Variants in ASIP observed in about 807,000 individuals in gnomAD.
ASIP encodes agouti signaling protein.
In ASIP, 11 loss-of-function variants were observed where a neutral mutation model predicts 10.3. That is an observed-to-expected ratio of 1.07 (90% CI 0.68 to 1.78). The LOEUF is 1.78. Among genes scored for constraint, ASIP ranks in the 40% most tolerant of loss-of-function variants. The pLI is 0.00. For synonymous variants in ASIP, 70 were observed against 70.8 expected, an observed-to-expected ratio of 0.99 and a Z score of 0.06; for missense variants, 180 against 169.2, an observed-to-expected ratio of 1.06 and a Z score of -0.35.
intron 1 of ASIP, among the ~76,000 whole-genome samples, chr20:34,254,060 G>C (rs1396003303): frequency 6.6e-6 from 1 of 151,374 alleles, no homozygotes; most frequent in Admixed American, 6.6e-5. Context: ...TTTTTGTTTT[G>C]TTTTGTTTCG....
At chr20:34,225,297 C>T (rs1232124687) in intron 1 of ASIP, among the ~76,000 whole-genome samples, 4 of 151,800 alleles carry the variant, frequency 2.6e-5, no homozygotes, top group Non-Finnish European at 1.5e-5. Flanking sequence ...CCTAGGCCTT[C>T]CAAAGTGCTG....
At chr20:34,248,065 G>C (rs1191437819) in intron 1 of ASIP, among the ~76,000 whole-genome samples, 2 of 152,110 alleles carry the variant, frequency 1.3e-5, no homozygotes, top group Admixed American at 1.3e-4. Context: ...AATTAGCCTG[G>C]CATGGTGATG....
chr20:34,202,584 G>A (rs931059460), intron 1 of ASIP, among the ~76,000 whole-genome samples: 9 of 151,834 alleles, frequency 5.9e-5, no homozygotes, highest in African/African-American at 1.7e-4. Context: ...ATCATGTACC[G>A]AAAACACTAT....
At chr20:34,223,186 C>T (rs1213999472) in intron 1 of ASIP, among the ~76,000 whole-genome samples, 24 of 151,570 alleles carry the variant, frequency 1.6e-4, no homozygotes, top group Non-Finnish European at 2.8e-4. Flanking sequence ...AAGTGAGGAG[C>T]GCCTCTTCCC....
chr20:34,231,825 T>C (rs2035123666), intron 1 of ASIP, among the ~76,000 whole-genome samples: 1 of 152,210 alleles, frequency 6.6e-6, no homozygotes, highest in Admixed American at 6.5e-5. Context: ...TTAGAATTTC[T>C]CAAATTAAAA....
intron 3 of ASIP, among the ~76,000 whole-genome samples, chr20:34,267,172 A>C (rs2122683061): frequency 6.6e-6 from 1 of 152,324 alleles, no homozygotes; most frequent in South Asian, 2.1e-4. Context: ...CCTTGGTCTC[A>C]TGGAGTTTAC....
intron 1 of ASIP, among the ~76,000 whole-genome samples, chr20:34,220,428 C>T (rs539034662): frequency 6.6e-6 from 1 of 152,234 alleles, no homozygotes; most frequent in South Asian, 2.1e-4. Flanking sequence ...GAAACCCTGT[C>T]TCTACAAAAA....
At chr20:34,204,964 G>C (rs1036181300) in intron 1 of ASIP, among the ~76,000 whole-genome samples, 4 of 152,148 alleles carry the variant, frequency 2.6e-5, no homozygotes, top group African/African-American at 9.7e-5. Flanking sequence ...TCATTTATTT[G>C]TGTTGGGAAC....
intron 1 of ASIP, among the ~76,000 whole-genome samples, chr20:34,198,838 C>A (rs541989675): frequency 6.6e-6 from 1 of 152,058 alleles, no homozygotes; most frequent in African/African-American, 2.4e-5. Context: ...GTGTTCATAT[C>A]GATGAATTTT....
At chr20:34,259,110 T>C (rs1278454164) in intron 1 of ASIP, among the ~76,000 whole-genome samples, 1 of 150,932 alleles carries the variant, frequency 6.6e-6, no homozygotes, top group Non-Finnish European at 1.5e-5. Context: ...CTCAGGAGGA[T>C]GAGGTGGGAG....
Position 34,241,454 on chromosome 20 carries a change from G to C in ASIP, c.-46G>C. The C allele has an allele frequency of 1.0e-6, 1 of 985,442 alleles. No homozygotes were observed. Among genetic ancestry groups the C allele is most frequent in the African/African-American group, 1.7e-5 (1 of 57,352 alleles). 61.0% of individuals were successfully genotyped at this position (985,442 alleles called of 1,614,324 possible). A position where few individuals can be genotyped will look rare whatever the true frequency, so the allele number is the denominator to read the frequency against. ...TCTCTACAGCTGCAAGGTGAAAAAGGAAGTTCCTTGGCCTGGGCTCTTTGC... is the reference window on the plus strand; with the variant it reads ...TCTCTACAGCTGCAAGGTGAAAAAGCAAGTTCCTTGGCCTGGGCTCTTTGC... On this transcript the variant is annotated 5_prime_UTR_variant, in exon 1 of 4. Coordinates refer to ENST00000374954, the MANE Select transcript of ASIP (RefSeq NM_001672.3).
chr20:34,260,410 G>C lies in ASIP; in HGVS notation c.36G>C (p.Leu12=), dbSNP rs777202501. 1.9e-6 allele frequency: 3 copies of C among 1,614,050 alleles called. No homozygotes were observed. The South Asian group carries it at 3.3e-5, about 18-fold the overall frequency. ...CCCGCTTACTCCTGGCCACCCTGCT[G>C]GTCTTCCTCTGCTTCTTCACTGCCA... is the stretch of plus-strand genomic sequence containing the variant. ...DVTRLLLATL[L]VFLCFFTANS... The change falls in exon 2 of 4, where the codon CTG becomes CTC. Residue 12 remains leucine, a synonymous_variant. Transcript: ENST00000374954.
At chr20:34,238,059 C>T (rs2035233963), upstream of ASIP, among the ~76,000 whole-genome samples, 1 of 152,156 alleles carries the variant, frequency 6.6e-6, no homozygotes, top group Non-Finnish European at 1.5e-5. Flanking sequence ...ATCTCTCTTG[C>T]TGCTTCCAAG....
chr20:34,205,715 T>C (rs1263662250), intron 1 of ASIP, among the ~76,000 whole-genome samples: 1 of 150,030 alleles, frequency 6.7e-6, no homozygotes, highest in Non-Finnish European at 1.5e-5. Flanking sequence ...AGAGTGCTGA[T>C]TGGTGCTTTT....
At chr20:34,260,623 C>A in intron 2 of ASIP, 89 bp downstream of exon 2, 2 of 1,365,474 alleles carry the variant, frequency 1.5e-6, no homozygotes, top group Non-Finnish European at 2.0e-6. Context: ...GATCCACCGC[C>A]ATGGTCACGG....
intron 1 of ASIP, among the ~76,000 whole-genome samples, chr20:34,232,407 G>A (rs1488321039): frequency 2.0e-5 from 3 of 152,150 alleles, no homozygotes; most frequent in African/African-American, 7.2e-5. Context: ...ATGCCATTCT[G>A]TAGGCCACTT....
At chr20:34,200,951 T>A (rs1485878458) in intron 1 of ASIP, among the ~76,000 whole-genome samples, 2 of 103,418 alleles carry the variant, frequency 1.9e-5, no homozygotes, top group Non-Finnish European at 3.2e-5. Flanking sequence ...AACTTGATTT[T>A]CTTTCTTTCT....
chr20:34,239,179 T>G (rs991963770), upstream of ASIP, among the ~76,000 whole-genome samples: 1 of 152,114 alleles, frequency 6.6e-6, no homozygotes, highest in Non-Finnish European at 1.5e-5. Flanking sequence ...TCTCACCACC[T>G]AATATCCATC....
chr20:34,222,279 T>TAAA (rs1224329319), intron 1 of ASIP, among the ~76,000 whole-genome samples: 2 of 144,400 alleles, frequency 1.4e-5, no homozygotes, highest in African/African-American at 5.1e-5. Flanking sequence ...GAAGGATAAT[T>TAAA]AAAAAAAAAA....
Sources: gnomAD v4.1 joint callset for allele counts (sites outside exome capture counted in the v4.1 genomes callset) on GRCh38, gnomAD v4.1.1 for gene constraint, MANE v1.5 for transcripts, NCBI Gene and HGNC (gene_info 2026-07-23, HGNC 2026-07-21) for gene names.